Variants in BCAS3 observed in about 807,000 individuals in gnomAD.
The protein encoded by BCAS3 is BCAS4/BCAS3 fusion.
A neutral mutation model predicts 116.1 loss-of-function variants in BCAS3; 53 were observed. The ratio of observed to expected loss-of-function variants is 0.46; its 90% CI spans 0.37 to 0.57. The LOEUF is 0.57. Among genes scored for constraint, BCAS3 ranks in the 20% least tolerant of loss-of-function variants. The pLI, the probability that BCAS3 is intolerant of heterozygous loss-of-function variation, is 0.00. For synonymous variants in BCAS3, 391 were observed against 408.2 expected (o/e 0.96, Z 0.51); for missense variants, 917 against 1,165.4 (o/e 0.79, Z 3.10).
At chr17:61,163,032 G>A (rs2078254571) in intron 22 of BCAS3, among the ~76,000 whole-genome samples, 2 of 152,148 alleles carry the variant, frequency 1.3e-5, no homozygotes, top group East Asian at 1.9e-4. Flanking sequence ...CCTATTATAT[G>A]TCATAATAGT....
chr17:60,832,835 A>T (rs1296426164), intron 7 of BCAS3, among the ~76,000 whole-genome samples: 1 of 152,172 alleles, frequency 6.6e-6, no homozygotes, highest in Non-Finnish European at 1.5e-5. Context: ...TGAGACTAGA[A>T]CCTAAAAGAC....
intron 7 of BCAS3, among the ~76,000 whole-genome samples, chr17:60,816,377 C>T (rs1016563028): frequency 9.3e-5 from 14 of 150,232 alleles, no homozygotes; most frequent in Admixed American, 9.3e-4. Context: ...CGGGTTCAAG[C>T]GATTCTCCTG....
Position 61,037,744 on chromosome 17 carries a change from A to C in BCAS3, c.1763-145A>C, listed in dbSNP as rs550864977. ...AAGAGCAAAACTCCATCTCCAAAAAAAAGAAAAAAAGAAAAAAATTCCTGT... is the reference window on the plus strand; with the variant it reads ...AAGAGCAAAACTCCATCTCCAAAAACAAGAAAAAAAGAAAAAAATTCCTGT... On this transcript the variant is annotated intron_variant, in intron 17 of 23. Coordinates refer to ENST00000407086, the MANE Select transcript of BCAS3 (RefSeq NM_017679.5). This position sits in a 1 kb window ranked among gnomAD's most constrained non-coding sequence, Gnocchi z 4.7. The C allele has an allele frequency of 2.5e-6, 2 of 812,434 alleles. No homozygotes were observed. The highest frequency in any genetic ancestry group is 1.8e-6 in the Non-Finnish European group (1 of 549,692). 50.3% of individuals were successfully genotyped at this position (812,434 alleles called of 1,614,324 possible).
At position 61,217,634 on chromosome 17, in the gene BCAS3, C is replaced by T. The variant is rs1277416236; in HGVS notation, c.2425+133070C>T. Among the ~76,000 whole-genome samples the T allele has an allele frequency of 1.3e-5, 2 of 152,174 alleles. No individual in the cohort carries two copies. The highest frequency in any genetic ancestry group is 6.5e-5 in the Admixed American group (1 of 15,292). On this transcript the variant is annotated intron_variant, in intron 22 of 23. Transcript: ENST00000407086. The surrounding 1 kb of genome is among the most constrained non-coding windows in gnomAD (Gnocchi z 5.2). ...GAAGGGCATATTCCCAGGACCTAGACACTCCAAAAGTCTGCATTTTTATCC... is the reference window on the plus strand; with the variant it reads ...GAAGGGCATATTCCCAGGACCTAGATACTCCAAAAGTCTGCATTTTTATCC...
intron 22 of BCAS3, among the ~76,000 whole-genome samples, chr17:61,322,597 C>G (rs888868862): frequency 6.6e-6 from 1 of 152,188 alleles, no homozygotes; most frequent in African/African-American, 2.4e-5. Flanking sequence ...TCCCTTTCTC[C>G]TGCCTTCTCT....
At chr17:61,025,384 T>C (rs574591487) in intron 16 of BCAS3, among the ~76,000 whole-genome samples, 2 of 152,204 alleles carry the variant, frequency 1.3e-5, no homozygotes, top group South Asian at 4.1e-4. Context: ...AAATACAGAA[T>C]CTCAGATCCC....
At chr17:60,730,615 G>A (rs2040365253) in intron 5 of BCAS3, among the ~76,000 whole-genome samples, 1 of 152,154 alleles carries the variant, frequency 6.6e-6, no homozygotes, top group Non-Finnish European at 1.5e-5. Context: ...AATTTTAGGA[G>A]CTTTCAAAAG....
At chr17:60,869,966 T>G (rs2054954034) in intron 8 of BCAS3, among the ~76,000 whole-genome samples, 1 of 152,240 alleles carries the variant, frequency 6.6e-6, no homozygotes, top group South Asian at 2.1e-4. Flanking sequence ...TTTACTTTCC[T>G]CTTTAATTTA....
At chr17:60,793,876 G>T (rs2046989215) in intron 6 of BCAS3, among the ~76,000 whole-genome samples, 1 of 152,190 alleles carries the variant, frequency 6.6e-6, no homozygotes, top group Non-Finnish European at 1.5e-5. Flanking sequence ...ACATGTGTGT[G>T]TAAGTATCTT....
chr17:61,035,742 T>C (rs1600650832), intron 17 of BCAS3, among the ~76,000 whole-genome samples: 1 of 152,098 alleles, frequency 6.6e-6, no homozygotes, highest in African/African-American at 2.4e-5. Context: ...CCTCGGATGG[T>C]ACGGAGCCCT....
At chr17:61,230,586 T>A (rs563442760) in intron 22 of BCAS3, among the ~76,000 whole-genome samples, 4 of 152,342 alleles carry the variant, frequency 2.6e-5, no homozygotes, top group African/African-American at 9.6e-5. Flanking sequence ...CTAATTTGCT[T>A]AAGATAATGG....
chr17:61,229,954 G>A lies in BCAS3; in HGVS notation c.2426-138373G>A, dbSNP rs1212988761. Among the ~76,000 whole-genome samples the A allele has an allele frequency of 2.0e-5, 3 of 152,170 alleles. No homozygotes were observed. The highest frequency in any genetic ancestry group is 3.9e-4 in the East Asian group (2 of 5,194). ...AGCCTGGCCAATATAGCAAAATCTG[G>A]TCTCTACCGAAAATACAAAAATTAG... is the stretch of plus-strand genomic sequence containing the variant. On this transcript the variant is annotated intron_variant, in intron 22 of 23. Transcript: ENST00000407086. This position sits in a 1 kb window ranked among gnomAD's most constrained non-coding sequence, Gnocchi z 4.4.
intron 18 of BCAS3, among the ~76,000 whole-genome samples, chr17:61,038,741 T>A (rs2145613673): frequency 6.9e-6 from 1 of 144,854 alleles, no homozygotes. Context: ...CGATCTCAGC[T>A]CACTGCAGCC....
intron 5 of BCAS3, among the ~76,000 whole-genome samples, chr17:60,742,773 G>A (rs1178045099): frequency 6.7e-6 from 1 of 149,392 alleles, no homozygotes; most frequent in Non-Finnish European, 1.5e-5. Flanking sequence ...AAGTAAAAAA[G>A]TAAAAACAAC....
Position 61,220,829 on chromosome 17 carries a change from G to A in BCAS3, c.2425+136265G>A, listed in dbSNP as rs1044895067. On this transcript the variant is annotated intron_variant, in intron 22 of 23. Transcript: ENST00000407086. This position sits in a 1 kb window ranked among gnomAD's most constrained non-coding sequence, Gnocchi z 4.5. Reference sequence around the variant, plus strand: ...TAGAAAGTGTAGTTCGGCTGGGCGCGGTGGCTCACGCCTGTAATCCCAGCA... The same window carrying A: ...TAGAAAGTGTAGTTCGGCTGGGCGCAGTGGCTCACGCCTGTAATCCCAGCA... 1.3e-5 allele frequency among the ~76,000 whole-genome samples: 2 copies of A among 151,592 alleles called. No individual in the cohort carries two copies. Among genetic ancestry groups the A allele is most frequent in the Non-Finnish European group, 2.9e-5 (2 of 67,880 alleles).
chr17:60,941,511 A>G (rs1316953965), intron 13 of BCAS3, among the ~76,000 whole-genome samples: 2 of 152,216 alleles, frequency 1.3e-5, no homozygotes, highest in Non-Finnish European at 2.9e-5. Flanking sequence ...ATGTAGTCCT[A>G]TACTAGCTAT....
chr17:61,061,998 G>C (rs1404791681), intron 19 of BCAS3, among the ~76,000 whole-genome samples: 2 of 152,072 alleles, frequency 1.3e-5, no homozygotes, highest in Non-Finnish European at 2.9e-5. Context: ...TCTAAAAATA[G>C]GGGGAAAAAC....
At chr17:60,747,122 G>T in intron 5 of BCAS3, 76 bp from the exon 6 acceptor site, 1 of 964,868 alleles carries the variant, frequency 1.0e-6, no homozygotes. Context: ...ATAAAATTTA[G>T]AAGATCTTGT....
At position 61,021,414 on chromosome 17, in the gene BCAS3, C is replaced by T. The variant is rs1422296765; in HGVS notation, c.1637+5513C>T. 2.6e-5 allele frequency among the ~76,000 whole-genome samples: 4 copies of T among 152,034 alleles called. No individual in the cohort carries two copies. Among genetic ancestry groups the T allele is most frequent in the African/African-American group, 4.8e-5 (2 of 41,364 alleles). ...GGTGGTTATTAGGAAGCTTCAGATG[C>T]ACCCTGTAGAAGTAGGTTAAGTAAT... On this transcript the variant is annotated intron_variant, in intron 16 of 23. Transcript: ENST00000407086. This position sits in a 1 kb window ranked among gnomAD's most constrained non-coding sequence, Gnocchi z 4.6.
Sources: gnomAD v4.1 joint callset for allele counts (sites outside exome capture counted in the v4.1 genomes callset) on GRCh38, gnomAD v4.1.1 for gene constraint, Gnocchi (gnomAD v3.1) non-coding constraint, MANE v1.5 for transcripts, NCBI Gene and HGNC (gene_info 2026-07-23, HGNC 2026-07-21) for gene names.